ABCE1: variants seen among roughly 807,000 people sequenced by gnomAD.
ABCE1 encodes ATP binding cassette subfamily E member 1, also known as ATP-binding cassette sub-family E member 1.
A neutral mutation model predicts 83.4 loss-of-function variants in ABCE1; 22 were observed. The ratio of observed to expected loss-of-function variants is 0.26; its 90% CI spans 0.19 to 0.38. The LOEUF is 0.38. ABCE1 is among the 10% of genes least tolerant of loss of function. The pLI, the probability that ABCE1 is intolerant of heterozygous loss-of-function variation, is 1.00. For missense variants in ABCE1, 330 were observed against 721.9 expected (o/e 0.46, Z 6.22); for synonymous variants, 204 against 233.7 (o/e 0.87, Z 1.16).
chr4:145,117,141 A>G, intron 9 of ABCE1, 152 bp from the exon 10 acceptor site: 1 of 555,900 alleles, frequency 1.8e-6, no homozygotes, highest in Non-Finnish European at 2.9e-6. Flanking sequence ...AAATATGAGC[A>G]TTGATAATGA....
At position 145,125,045 on chromosome 4, in the gene ABCE1, T is replaced by C; in HGVS notation, c.1696T>C (p.Phe566Leu). 6.2e-7 allele frequency: 1 copy of C among 1,613,710 alleles called. No individual in the cohort carries two copies. Among genetic ancestry groups the C allele is most frequent in the South Asian group, 1.1e-5 (1 of 91,046 alleles). ...ATTTTTGTCTCAGCTTGAAATTACA[T>C]TCAGAAGAGATCCAAACAACTATAG... ...NKFLSQLEIT[F>L]RRDPNNYRPR... is the part of the protein sequence containing the mutation. Residue 566 changes from phenylalanine (F) to leucine (L), a missense_variant, in exon 17 of 18, where the codon TTC (phenylalanine) becomes CTC (leucine). Coordinates refer to ENST00000296577, the MANE Select transcript of ABCE1 (RefSeq NM_002940.3).
At chr4:145,120,301 C>A in intron 11 of ABCE1, 148 bp downstream of exon 11, 1 of 674,818 alleles carries the variant, frequency 1.5e-6, no homozygotes, top group Non-Finnish European at 2.4e-6. Flanking sequence ...TGTACTTTCA[C>A]ATTTTTTTGG....
At chr4:145,109,062 C>T in intron 4 of ABCE1, 70 bp from the exon 5 acceptor site, 2 of 1,062,546 alleles carry the variant, frequency 1.9e-6, no homozygotes, top group Non-Finnish European at 2.8e-6. Context: ...TAAAATATAT[C>T]ATTCTGATGT....
intron 17 of ABCE1, among the ~76,000 whole-genome samples, chr4:145,126,002 C>G (rs1051050405): frequency 6.6e-6 from 1 of 152,164 alleles, no homozygotes; most frequent in Non-Finnish European, 1.5e-5. Context: ...GATCGTTCCA[C>G]TGTACTCCAG....
rs143824754 is a variant in ABCE1 at position 145,123,086 on chromosome 4, C to T, written c.1329C>T (p.Thr443=). Residue 443 remains threonine (T), a synonymous_variant, in exon 14 of 18, where the codon ACC becomes ACT. Transcript: ENST00000296577. The stretch of plus-strand genomic sequence containing the variant: ...CTTATACTCACCCACAATTTGTGAC[C>T]GATGTAATGAAGCCTCTGCAAATTG... The part of the protein sequence containing the change: ...RDAYTHPQFV[T]DVMKPLQIEN... 39 of 1,606,214 alleles carry T rather than the reference C, an allele frequency of 2.4e-5. No homozygotes were observed. In the African/African-American group the frequency reaches 2.7e-4, roughly 11 times the overall value.
At chr4:145,118,253 CTT>C (rs4148244) in intron 10 of ABCE1, among the ~76,000 whole-genome samples, 27 of 134,422 alleles carry the variant, frequency 2.0e-4, no homozygotes, top group Non-Finnish European at 2.1e-4. Flanking sequence ...TTCTTTCTTT[CTT>C]TTTTTTTTTT....
chr4:145,105,582 AATT>A lies in ABCE1; in HGVS notation c.104-20_104-18del. ...ATTAGAAGATCAAAGGAAATGGCTT[AATT>A]ATATCTTTTCCTTTACCAGGAAAAT... is the stretch of plus-strand genomic sequence containing the variant. On this transcript the variant is annotated intron_variant, in intron 2 of 17. Transcript: ENST00000296577. The A allele has an allele frequency of 6.6e-7, 1 of 1,519,680 alleles. No individual in the cohort carries two copies. The highest frequency in any genetic ancestry group is 1.2e-5 in the South Asian group (1 of 86,452). The allele number at this position is 1,519,680 out of a possible 1,614,324, so 94.1% of individuals were successfully genotyped here. A position where few individuals can be genotyped will look rare whatever the true frequency, so the allele number is the denominator to read the frequency against.
intron 5 of ABCE1, 95 bp from the exon 6 acceptor site, chr4:145,110,008 C>T (rs1427938809): frequency 7.0e-6 from 8 of 1,139,698 alleles, no homozygotes; most frequent in Non-Finnish European, 9.6e-6. Context: ...CACAAGTGTT[C>T]TATTTGCATA....
chr4:145,124,337 C>A (rs1344946193), intron 16 of ABCE1, among the ~76,000 whole-genome samples: 1 of 151,438 alleles, frequency 6.6e-6, no homozygotes, highest in Non-Finnish European at 1.5e-5. Flanking sequence ...TTTTGCTGGG[C>A]TTCTTCCCTG....
rs572638908 is a variant in ABCE1 at position 145,126,030 on chromosome 4, GTC to G, written c.1752+933_1752+934del. 4.6e-5 allele frequency among the ~76,000 whole-genome samples: 7 copies of G among 152,238 alleles called. No individual in the cohort carries two copies. The South Asian group carries it at 6.2e-4, about 14-fold the overall frequency. ...TACTCCAGCCTGGGCAACAGAGCGA[GTC>G]TCTGTCCCTGCCCCCGCCCCCGCAA... On this transcript the variant is annotated intron_variant, in intron 17 of 17. Transcript: ENST00000296577.
intron 7 of ABCE1, 187 bp from the exon 8 acceptor site, chr4:145,110,781 A>T: frequency 1.8e-6 from 1 of 557,100 alleles, no homozygotes; most frequent in South Asian, 2.6e-5. Context: ...ATATATTTCA[A>T]TAGGCCCTGA....
chr4:145,110,767 G>T lies in ABCE1; in HGVS notation c.614-201G>T, dbSNP rs1579213842. On this transcript the variant is annotated intron_variant, in intron 7 of 17. Transcript: ENST00000296577. ...GTGAGCCACTGCGCCCGGCCATTTT[G>T]TGTATATATTTCAATAGGCCCTGAA... 1.6e-5 allele frequency: 9 copies of T among 550,560 alleles called. No homozygotes were observed. In the East Asian group the frequency reaches 2.1e-4, roughly 13 times the overall value. 34.1% of individuals were successfully genotyped at this position (550,560 alleles called of 1,614,324 possible).
In ABCE1 at chr4:145,121,158, T is replaced by C. The variant is rs780259454; in HGVS notation, c.1145-16T>C. On this transcript the variant is annotated splice_polypyrimidine_tract_variant and intron_variant, in intron 11 of 17. Coordinates refer to ENST00000296577, the MANE Select transcript of ABCE1 (RefSeq NM_002940.3). Reference sequence around the variant, plus strand: ...AAGCATCTTTCAGATCAAACTGTCATATGTTGTGTTGCCAGGAACGGGTAA... The same window carrying C: ...AAGCATCTTTCAGATCAAACTGTCACATGTTGTGTTGCCAGGAACGGGTAA... 14 of 1,612,668 alleles carry C rather than the reference T, an allele frequency of 8.7e-6. No homozygotes were observed. Among genetic ancestry groups the C allele is most frequent in the Non-Finnish European group, 1.2e-5 (14 of 1,179,674 alleles).
chr4:145,120,206 T>A, intron 11 of ABCE1, 53 bp downstream of exon 11: 1 of 1,473,078 alleles, frequency 6.8e-7, no homozygotes, highest in Non-Finnish European at 9.3e-7. Context: ...TCTAGTAAAT[T>A]AGTTTTAACT....
intron 1 of ABCE1, among the ~76,000 whole-genome samples, chr4:145,102,822 G>C (rs552484279): frequency 6.6e-6 from 1 of 152,242 alleles, no homozygotes; most frequent in Admixed American, 6.5e-5. Flanking sequence ...TTGGAGAATG[G>C]AGTATTTGAA....
At chr4:145,116,911 C>G (rs1749623482) in intron 9 of ABCE1, among the ~76,000 whole-genome samples, 1 of 151,856 alleles carries the variant, frequency 6.6e-6, no homozygotes, top group Admixed American at 6.6e-5. Flanking sequence ...TGCGTCCATC[C>G]CCTACTACAG....
At position 145,121,408 on chromosome 4, in the gene ABCE1, T is replaced by C. The variant is rs1478383067; in HGVS notation, c.1263+17T>C. On this transcript the variant is annotated intron_variant, in intron 13 of 17. Coordinates refer to ENST00000296577, the MANE Select transcript of ABCE1 (RefSeq NM_002940.3). ...AAATCAACTGTGAGTTATTATTTTTTATATGGTTACTAAAGAAAATTTTGT... is the reference window on the plus strand; with the variant it reads ...AAATCAACTGTGAGTTATTATTTTTCATATGGTTACTAAAGAAAATTTTGT... 4 of 1,597,570 alleles carry C rather than the reference T, an allele frequency of 2.5e-6. No individual in the cohort carries two copies. Among genetic ancestry groups the C allele is most frequent in the East Asian group, 2.2e-5 (1 of 44,694 alleles).
chr4:145,112,275 C>G lies in ABCE1; in HGVS notation c.747C>G (p.Val249=). ...ATGAGCCTTCTAGTTACCTAGATGT[C>G]AAGCAGCGTTTAAAGGCTGCTATTA... ...MFDEPSSYLD[V]KQRLKAAITI... is the part of the protein sequence containing the mutation. The change falls in exon 9 of 18, where the codon GTC becomes GTG. Residue 249 remains valine, a synonymous_variant. Transcript: ENST00000296577. The G allele has an allele frequency of 6.4e-7, 1 of 1,562,254 alleles. No homozygotes were observed. The highest frequency in any genetic ancestry group is 8.7e-7 in the Non-Finnish European group (1 of 1,152,916).
intron 13 of ABCE1, 133 bp downstream of exon 13, chr4:145,121,524 T>G (rs1035402885): frequency 1.5e-6 from 1 of 663,686 alleles, no homozygotes; most frequent in African/African-American, 1.8e-5. Context: ...CAAACAAATG[T>G]ATTAAGAGTC....
Sources: gnomAD v4.1 joint callset for allele counts (sites outside exome capture counted in the v4.1 genomes callset) on GRCh38, gnomAD v4.1.1 for gene constraint, MANE v1.5 for transcripts, NCBI Gene and HGNC (gene_info 2026-07-23, HGNC 2026-07-21) for gene names.